CFAP299: variants seen among roughly 807,000 people sequenced by gnomAD.
The protein encoded by CFAP299 is cilia- and flagella-associated protein 299.
In CFAP299, 21 loss-of-function variants were observed where a neutral mutation model predicts 27.0. The ratio of observed to expected loss-of-function variants is 0.78; its 90% CI spans 0.55 to 1.12. The LOEUF (loss-of-function observed/expected upper bound fraction) is 1.12. CFAP299 is among the 50% of genes most tolerant of loss of function. The probability of loss-of-function intolerance (pLI) is 0.00; values close to 1 mark genes in which losing one functional copy is unlikely to be tolerated. For synonymous variants in CFAP299, 104 were observed against 98.1 expected (o/e 1.06, Z -0.36); for missense variants, 310 against 276.6 (o/e 1.12, Z -0.86).
At chr4:80,900,575 T>C (rs1265345463) in intron 4 of CFAP299, among the ~76,000 whole-genome samples, 1 of 152,008 alleles carries the variant, frequency 6.6e-6, no homozygotes, top group Non-Finnish European at 1.5e-5. Flanking sequence ...CTGTTGTAGG[T>C]AAAATATGTT....
chr4:80,771,176 C>T (rs374580103), intron 3 of CFAP299, among the ~76,000 whole-genome samples: 7 of 152,126 alleles, frequency 4.6e-5, no homozygotes, highest in African/African-American at 1.7e-4. Flanking sequence ...ATCTCCTTTA[C>T]TCCAAAGCCT....
chr4:80,835,387 C>T (rs1472084360), intron 3 of CFAP299, among the ~76,000 whole-genome samples: 1 of 151,942 alleles, frequency 6.6e-6, no homozygotes, highest in African/African-American at 2.4e-5. Context: ...CGTACATCAC[C>T]TGGGGATCTT....
At chr4:80,800,138 T>C (rs1448961969) in intron 3 of CFAP299, among the ~76,000 whole-genome samples, 83 of 61,950 alleles carry the variant, frequency 1.3e-3, no homozygotes, top group African/African-American at 6.3e-3. Context: ...AAATATATTA[T>C]ATAAATATAT....
intron 3 of CFAP299, among the ~76,000 whole-genome samples, chr4:80,632,172 G>T (rs1739244874): frequency 6.6e-6 from 1 of 151,796 alleles, no homozygotes; most frequent in South Asian, 2.1e-4. Context: ...CAACCTAAAT[G>T]GATTAGGGCA....
chr4:80,585,646 C>T (rs1736397612), intron 3 of CFAP299, among the ~76,000 whole-genome samples: 1 of 152,022 alleles, frequency 6.6e-6, no homozygotes. Context: ...GATGAATGTC[C>T]TTAAAATAAT....
intron 4 of CFAP299, among the ~76,000 whole-genome samples, chr4:80,935,182 CT>C (rs1241489251): frequency 1.3e-5 from 2 of 152,034 alleles, no homozygotes; most frequent in African/African-American, 4.8e-5. Context: ...AATTTTCCAA[CT>C]TTCCTCACAT....
At chr4:80,793,596 A>G (rs1447399826) in intron 3 of CFAP299, among the ~76,000 whole-genome samples, 3 of 152,154 alleles carry the variant, frequency 2.0e-5, no homozygotes, top group Non-Finnish European at 4.4e-5. Context: ...ATAAGGTCAT[A>G]ATTTCATCTA....
chr4:80,919,227 A>G (rs1735917842), intron 4 of CFAP299, among the ~76,000 whole-genome samples: 1 of 152,240 alleles, frequency 6.6e-6, no homozygotes, highest in African/African-American at 2.4e-5. Context: ...GAATATTCCT[A>G]ATTAGAAAGA....
chr4:80,766,354 T>A (rs1359676771), intron 3 of CFAP299, among the ~76,000 whole-genome samples: 3 of 152,194 alleles, frequency 2.0e-5, no homozygotes, highest in Non-Finnish European at 4.4e-5. Context: ...ATTGTACTTA[T>A]ACAGACGAAA....
At chr4:80,541,314 T>C (rs1029743952) in intron 2 of CFAP299, among the ~76,000 whole-genome samples, 3 of 152,182 alleles carry the variant, frequency 2.0e-5, no homozygotes, top group Non-Finnish European at 4.4e-5. Context: ...TGCTTCATTG[T>C]GGTTAGTAAT....
intron 3 of CFAP299, among the ~76,000 whole-genome samples, chr4:80,757,981 C>T (rs1560736443): frequency 1.3e-5 from 2 of 152,274 alleles, no homozygotes; most frequent in Non-Finnish European, 1.5e-5. Context: ...AGGAGCATAA[C>T]TTCGTGCAGG....
intron 4 of CFAP299, among the ~76,000 whole-genome samples, chr4:80,881,176 C>T (rs1222289517): frequency 6.6e-6 from 1 of 152,182 alleles, no homozygotes; most frequent in East Asian, 1.9e-4. Flanking sequence ...TCTTTCTCAT[C>T]TCATACTAAA....
intron 5 of CFAP299, among the ~76,000 whole-genome samples, chr4:80,952,579 A>G (rs1475279190): frequency 1.3e-5 from 2 of 152,180 alleles, no homozygotes; most frequent in African/African-American, 4.8e-5. Flanking sequence ...ACTGTTGTCT[A>G]TTATTGTACA....
At chr4:80,777,966 A>G (rs953435261) in intron 3 of CFAP299, among the ~76,000 whole-genome samples, 1 of 152,166 alleles carries the variant, frequency 6.6e-6, no homozygotes, top group Non-Finnish European at 1.5e-5. Context: ...AGACATTTCT[A>G]TGATAGAAAA....
At position 80,661,183 on chromosome 4, in the gene CFAP299, G is replaced by A. The variant is rs1165656095; in HGVS notation, c.333+78000G>A. On this transcript the variant is annotated intron_variant, in intron 3 of 5. Transcript: ENST00000358105. The stretch of plus-strand genomic sequence containing the variant: ...TCTACTGAAAATACAAAAATTAATC[G>A]GATGTGGTTGCGTGCTCCTGTTGTC... 2.6e-5 allele frequency among the ~76,000 whole-genome samples: 4 copies of A among 151,764 alleles called. 1 individual carries two copies. The highest frequency in any genetic ancestry group is 2.1e-4 in the South Asian group (1 of 4,808).
At chr4:80,762,555 A>C (rs1178901962) in intron 3 of CFAP299, among the ~76,000 whole-genome samples, 2 of 152,136 alleles carry the variant, frequency 1.3e-5, no homozygotes, top group Non-Finnish European at 2.9e-5. Context: ...GCATAACTTT[A>C]ATTCTCATCT....
chr4:80,705,149 A>T (rs575189348), intron 3 of CFAP299, among the ~76,000 whole-genome samples: 1 of 151,826 alleles, frequency 6.6e-6, no homozygotes, highest in African/African-American at 2.4e-5. Context: ...TAAATAATAT[A>T]ATAGTAACTG....
chr4:80,681,548 AC>A (rs1355018410), intron 3 of CFAP299, among the ~76,000 whole-genome samples: 3 of 152,334 alleles, frequency 2.0e-5, no homozygotes, highest in African/African-American at 7.2e-5. Context: ...AGGCATCAGA[AC>A]CAGAATTAGC....
At chr4:80,495,813 C>T (rs6827369) in intron 2 of CFAP299, among the ~76,000 whole-genome samples, 52,042 of 152,114 alleles carry the variant, frequency 0.34, 10,811 homozygotes, top group African/African-American at 0.58. Context: ...CCTCAGGAAA[C>T]GTACAACTTA....
Sources: allele counts gnomAD v4.1 joint callset (sites outside exome capture counted in the v4.1 genomes callset), GRCh38; gene constraint gnomAD v4.1.1; transcripts MANE v1.5; gene names NCBI Gene and HGNC (gene_info 2026-07-23, HGNC 2026-07-21).